Variants in SPATA21 observed in about 807,000 individuals in gnomAD.
SPATA21 encodes spermatogenesis-associated protein 21.
A neutral mutation model predicts 54.8 loss-of-function variants in SPATA21; 47 were observed. That is an observed-to-expected ratio of 0.86 (90% CI 0.68 to 1.09). SPATA21 has a LOEUF of 1.09. Among genes scored for constraint, SPATA21 ranks in the 50% least tolerant of loss-of-function variants. The pLI, the probability that SPATA21 is intolerant of heterozygous loss-of-function variation, is 0.00. For missense variants in SPATA21, 599 were observed against 596.4 expected, an observed-to-expected ratio of 1.00 and a Z score of -0.05; for synonymous variants, 245 against 235.3, an observed-to-expected ratio of 1.04 and a Z score of -0.38.
At chr1:16,430,093 G>A (rs965065702) in intron 3 of SPATA21, among the ~76,000 whole-genome samples, 1 of 145,322 alleles carries the variant, frequency 6.9e-6, no homozygotes, top group African/African-American at 2.6e-5. Context: ...CTCCAGCCTG[G>A]GTGACAGCAA....
At chr1:16,437,016 T>A (rs2100925056) in intron 1 of SPATA21, 112 bp downstream of exon 1, 1 of 152,346 alleles carries the variant, frequency 6.6e-6, no homozygotes, top group South Asian at 2.1e-4. Flanking sequence ...TGGAAATATC[T>A]ATGATGGCAG....
At chr1:16,412,119 C>T (rs1273721914) in intron 5 of SPATA21, among the ~76,000 whole-genome samples, 2 of 152,132 alleles carry the variant, frequency 1.3e-5, no homozygotes, top group African/African-American at 4.8e-5. Flanking sequence ...TGCTGGCTCC[C>T]CCTCACTTGT....
chr1:16,416,570 T>G (rs113924388), intron 5 of SPATA21, among the ~76,000 whole-genome samples: 10,481 of 151,696 alleles, frequency 0.069, 408 homozygotes, highest in African/African-American at 0.089. Flanking sequence ...CTCAGCTACT[T>G]GGGAGGCTGA....
Position 16,421,108 on chromosome 1 carries a change from A to T in SPATA21, c.144+401T>A, listed in dbSNP as rs2086157735. The stretch of plus-strand genomic sequence containing the variant: ...AGGTCAAAGAACTAGGAAGTGGCAG[A>T]GCTTGGGGAGGGAAGGATGGCTGGG... On this transcript the variant is annotated intron_variant, in intron 5 of 12. Coordinates refer to ENST00000335496, the MANE Select transcript of SPATA21 (RefSeq NM_198546.1). This position sits in a 1 kb window ranked among gnomAD's most constrained non-coding sequence, Gnocchi z 5.2. 6.6e-6 allele frequency among the ~76,000 whole-genome samples: 1 copy of T among 151,840 alleles called. No individual in the cohort carries two copies. Among genetic ancestry groups the T allele is most frequent in the Non-Finnish European group, 1.5e-5 (1 of 67,970 alleles).
At chr1:16,434,949 T>C (rs1045055047) in intron 1 of SPATA21, among the ~76,000 whole-genome samples, 22 of 149,916 alleles carry the variant, frequency 1.5e-4, no homozygotes, top group Admixed American at 4.0e-4. Context: ...CCTCCAACTC[T>C]GGGGTTCAAG....
At chr1:16,426,772 G>A (rs1379967773) in intron 3 of SPATA21, among the ~76,000 whole-genome samples, 1 of 151,652 alleles carries the variant, frequency 6.6e-6, no homozygotes, top group African/African-American at 2.4e-5. Flanking sequence ...TAGAGATGGG[G>A]TTTTGCCATG....
At chr1:16,420,506 C>T (rs1449012565) in intron 5 of SPATA21, among the ~76,000 whole-genome samples, 1 of 151,558 alleles carries the variant, frequency 6.6e-6, no homozygotes, top group Non-Finnish European at 1.5e-5. Flanking sequence ...AACAGAGACT[C>T]TGTCTCAAAA....
intron 7 of SPATA21, among the ~76,000 whole-genome samples, chr1:16,408,304 A>T (rs2085713059): frequency 6.6e-6 from 1 of 152,186 alleles, no homozygotes; most frequent in African/African-American, 2.4e-5. Flanking sequence ...GTAGGTGTTC[A>T]GAACTTTTTA....
chr1:16,420,060 G>A (rs2086124749), intron 5 of SPATA21, among the ~76,000 whole-genome samples: 1 of 152,118 alleles, frequency 6.6e-6, no homozygotes, highest in African/African-American at 2.4e-5. Flanking sequence ...CCCCGAGGGT[G>A]GAGAAGATGA....
chr1:16,404,125 T>G (rs1005068535), intron 8 of SPATA21, 86 bp from the exon 9 acceptor site: 3 of 1,130,970 alleles, frequency 2.7e-6, no homozygotes, highest in Non-Finnish European at 3.9e-6. Flanking sequence ...TAGAAGTCAC[T>G]GTCTGGGTCT....
intron 10 of SPATA21, 66 bp downstream of exon 10, chr1:16,403,661 T>G: frequency 7.0e-7 from 1 of 1,420,568 alleles, no homozygotes. Flanking sequence ...AAGTTCTCAG[T>G]GCCAAAATGC....
At chr1:16,410,146 A>G (rs1013097573) in intron 5 of SPATA21, 103 bp from the exon 6 acceptor site, 10 of 956,512 alleles carry the variant, frequency 1.0e-5, no homozygotes, top group Non-Finnish European at 1.4e-5. Context: ...ACTGCCCCTT[A>G]CTCTCTGAGC....
At chr1:16,404,903 A>T in intron 8 of SPATA21, 64 bp downstream of exon 8, 2 of 1,487,134 alleles carry the variant, frequency 1.3e-6, no homozygotes, top group Non-Finnish European at 1.8e-6. Context: ...ATGCAACTGC[A>T]CAGGTTTCAA....
At chr1:16,412,268 G>A (rs2085873664) in intron 5 of SPATA21, among the ~76,000 whole-genome samples, 1 of 151,974 alleles carries the variant, frequency 6.6e-6, no homozygotes, top group African/African-American at 2.4e-5. Flanking sequence ...CCGAATACCA[G>A]ATGTCCTCCT....
intron 3 of SPATA21, chr1:16,427,859 C>T (rs1281031064): frequency 6.5e-7 from 1 of 1,545,866 alleles, no homozygotes; most frequent in Non-Finnish European, 8.7e-7. Flanking sequence ...AGCCCCTCAG[C>T]TCACCCTGGT....
intron 5 of SPATA21, among the ~76,000 whole-genome samples, chr1:16,417,396 C>T (rs1158167957): frequency 2.6e-5 from 4 of 151,072 alleles, no homozygotes; most frequent in South Asian, 2.1e-4. Context: ...GTAGCCGGGA[C>T]TACAGGTGCC....
chr1:16,398,565 G>A (rs1196573456), downstream of SPATA21: 1 of 613,236 alleles, frequency 1.6e-6, no homozygotes, highest in Non-Finnish European at 2.9e-6. Flanking sequence ...GGGCTTTGAG[G>A]TGGAACCCTG....
In SPATA21 at chr1:16,409,495, A is replaced by G. The variant is rs1411779054; in HGVS notation, c.587+106T>C. 8.5e-7 allele frequency: 1 copy of G among 1,172,606 alleles called. No homozygotes were observed. Among genetic ancestry groups the G allele is most frequent in the Non-Finnish European group, 1.2e-6 (1 of 836,532 alleles). 72.6% of individuals were successfully genotyped at this position (1,172,606 alleles called of 1,614,324 possible). A position where few individuals can be genotyped will look rare whatever the true frequency, so the allele number is the denominator to read the frequency against. ...CATGAGGAGAAATGGAGAGAGGGGGACACACGAGGGAACAGGCAGGTGCAG... is the reference window on the plus strand; with the variant it reads ...CATGAGGAGAAATGGAGAGAGGGGGGCACACGAGGGAACAGGCAGGTGCAG... On this transcript the variant is annotated intron_variant, in intron 6 of 12. Transcript: ENST00000335496. This position sits in a 1 kb window ranked among gnomAD's most constrained non-coding sequence, Gnocchi z 4.1.
intron 5 of SPATA21, among the ~76,000 whole-genome samples, chr1:16,417,273 C>T (rs12143456): frequency 0.29 from 44,107 of 151,374 alleles, 6,695 homozygotes; most frequent in Non-Finnish European, 0.34. Flanking sequence ...TGCCTTTTTT[C>T]TTTTGAGACG....
Sources: allele counts gnomAD v4.1 joint callset (sites outside exome capture counted in the v4.1 genomes callset), GRCh38; gene constraint gnomAD v4.1.1; non-coding constraint Gnocchi (gnomAD v3.1); transcripts MANE v1.5; gene names NCBI Gene and HGNC (gene_info 2026-07-23, HGNC 2026-07-21).